SRPK2: variants seen among roughly 807,000 people sequenced by gnomAD.
The protein encoded by SRPK2 is SFRS protein kinase 2.
Under a neutral mutation model 90.8 loss-of-function variants are expected in SRPK2, and 21 were observed. That is an observed-to-expected ratio of 0.23 (90% confidence interval 0.16 to 0.33). The LOEUF is 0.33. Ranked by LOEUF, SRPK2 falls within the 10% of genes least tolerant of loss-of-function variation. The probability of loss-of-function intolerance (pLI) is 1.00; values close to 1 mark genes in which losing one functional copy is unlikely to be tolerated. For synonymous variants in SRPK2, 288 were observed against 311.1 expected (o/e 0.93, Z 0.78); for missense variants, 620 against 869.0 (o/e 0.71, Z 3.60).
chr7:105,197,833 A>T (rs1273422793), intron 3 of SRPK2, among the ~76,000 whole-genome samples: 1 of 152,220 alleles, frequency 6.6e-6, no homozygotes, highest in Non-Finnish European at 1.5e-5. Flanking sequence ...ATGTCTCCAG[A>T]AATAATTCAA....
intron 2 of SRPK2, among the ~76,000 whole-genome samples, chr7:105,380,488 A>C (rs562206083): frequency 6.6e-6 from 1 of 151,840 alleles, no homozygotes; most frequent in South Asian, 2.1e-4. Context: ...TAACACACCA[A>C]AACAATTAGA....
chr7:105,141,046 C>T lies in SRPK2; in HGVS notation c.1543+962G>A, dbSNP rs540761389. 3.3e-5 allele frequency among the ~76,000 whole-genome samples: 5 copies of T among 152,288 alleles called. No individual in the cohort carries two copies. In the East Asian group the frequency reaches 9.6e-4, roughly 29 times the overall value. On this transcript the variant is annotated intron_variant, in intron 11 of 15. Transcript: ENST00000393651. ...CTGGATAAGGTACCTCTCACTACTG[C>T]CCTTTCCCAGAAATTAACCTACATT... is the stretch of plus-strand genomic sequence containing the variant.
chr7:105,130,012 C>T (rs1359736657), intron 13 of SRPK2, among the ~76,000 whole-genome samples: 2 of 152,172 alleles, frequency 1.3e-5, no homozygotes, highest in Non-Finnish European at 1.5e-5. Context: ...GAAACCAATG[C>T]TTCAGCCACA....
chr7:105,136,803 G>C (rs1488031439), intron 11 of SRPK2, among the ~76,000 whole-genome samples: 1 of 152,160 alleles, frequency 6.6e-6, no homozygotes, highest in Non-Finnish European at 1.5e-5. Context: ...GTGGAACTAA[G>C]AGATTTAATG....
At chr7:105,300,668 G>GA (rs1210432939) in intron 2 of SRPK2, among the ~76,000 whole-genome samples, 27 of 152,064 alleles carry the variant, frequency 1.8e-4, no homozygotes, top group Admixed American at 1.6e-3. Context: ...AAATATACAA[G>GA]AAAAAAATCA....
chr7:105,275,836 C>G (rs1265150500), intron 2 of SRPK2, among the ~76,000 whole-genome samples: 3 of 152,162 alleles, frequency 2.0e-5, no homozygotes, highest in Non-Finnish European at 4.4e-5. Context: ...AAGCTGTGGG[C>G]ATGATATGCT....
intron 1 of SRPK2, among the ~76,000 whole-genome samples, chr7:105,394,705 T>A (rs1044573802): frequency 8.5e-5 from 13 of 152,184 alleles, no homozygotes; most frequent in Admixed American, 1.3e-4. Context: ...CAAATACCTA[T>A]TATGTAGCAA....
At chr7:105,147,565 T>A (rs1804834604) in intron 7 of SRPK2, among the ~76,000 whole-genome samples, 1 of 151,886 alleles carries the variant, frequency 6.6e-6, no homozygotes, top group East Asian at 1.9e-4. Context: ...GATCCACCTG[T>A]CTCGACCTCC....
intron 5 of SRPK2, 119 bp from the exon 6 acceptor site, chr7:105,167,583 G>C: frequency 1.9e-6 from 1 of 530,214 alleles, no homozygotes; most frequent in South Asian, 4.5e-5. Flanking sequence ...TCATCACAAA[G>C]TTATAAAAAA....
intron 2 of SRPK2, among the ~76,000 whole-genome samples, chr7:105,207,550 TCAA>T (rs1796364817): frequency 6.6e-6 from 1 of 152,192 alleles, no homozygotes; most frequent in Non-Finnish European, 1.5e-5. Flanking sequence ...ATAAATATTT[TCAA>T]CAACAATACC....
chr7:105,227,956 T>C (rs1798927962), intron 2 of SRPK2, among the ~76,000 whole-genome samples: 1 of 143,776 alleles, frequency 7.0e-6, no homozygotes, highest in African/African-American at 2.6e-5. Context: ...GGATCAGTAA[T>C]CCAATTTTTA....
At chr7:105,148,847 G>A (rs1243048509) in intron 7 of SRPK2, among the ~76,000 whole-genome samples, 4 of 152,188 alleles carry the variant, frequency 2.6e-5, no homozygotes, top group African/African-American at 9.7e-5. Flanking sequence ...CAAGGTTTAA[G>A]GGATCCAGGG....
At chr7:105,123,500 T>C (rs955724653) in intron 15 of SRPK2, among the ~76,000 whole-genome samples, 4 of 152,216 alleles carry the variant, frequency 2.6e-5, no homozygotes, top group African/African-American at 9.6e-5. Context: ...TTGTTATCAG[T>C]TCTAGCACAA....
At chr7:105,342,340 A>G (rs10261738) in intron 2 of SRPK2, among the ~76,000 whole-genome samples, 21,496 of 148,490 alleles carry the variant, frequency 0.14, 2,300 homozygotes, top group East Asian at 0.61. Context: ...AATAATAATA[A>G]TAATATTAAT....
chr7:105,154,820 A>C (rs1806258746), intron 7 of SRPK2, among the ~76,000 whole-genome samples: 1 of 151,786 alleles, frequency 6.6e-6, no homozygotes, highest in Non-Finnish European at 1.5e-5. Context: ...GACTACAAGC[A>C]CGTGCCACCA....
chr7:105,269,336 T>C (rs766738468), intron 2 of SRPK2, among the ~76,000 whole-genome samples: 1 of 152,168 alleles, frequency 6.6e-6, no homozygotes, highest in Non-Finnish European at 1.5e-5. Flanking sequence ...ATCATTTTTG[T>C]CACTTAAGAA....
chr7:105,365,468 CA>C (rs1818922595), intron 2 of SRPK2, among the ~76,000 whole-genome samples: 1 of 89,380 alleles, frequency 1.1e-5, no homozygotes, highest in Non-Finnish European at 2.1e-5. Flanking sequence ...GCCTGGGCAA[CA>C]AGAGCGAAAT....
At chr7:105,364,307 G>A (rs1384257973) in intron 2 of SRPK2, among the ~76,000 whole-genome samples, 1 of 151,846 alleles carries the variant, frequency 6.6e-6, no homozygotes, top group Non-Finnish European at 1.5e-5. Context: ...AACAACAATG[G>A]TATCTTCAGT....
intron 2 of SRPK2, among the ~76,000 whole-genome samples, chr7:105,231,695 T>A (rs1002856546): frequency 7.2e-5 from 11 of 152,258 alleles, no homozygotes; most frequent in African/African-American, 2.7e-4. Context: ...CATATGCTTA[T>A]TGGCCCCATG....
Sources: gnomAD v4.1 joint callset for allele counts (sites outside exome capture counted in the v4.1 genomes callset) on GRCh38, gnomAD v4.1.1 for gene constraint, MANE v1.5 for transcripts, NCBI Gene and HGNC (gene_info 2026-07-23, HGNC 2026-07-21) for gene names.